The following PCDHGA4 variants were observed in gnomAD, a reference collection of about 807,000 sequenced individuals.
The protein encoded by PCDHGA4 is protocadherin gamma-A4.
PCDHGA4 carries 38 observed loss-of-function variants against 54.6 expected under a neutral mutation model. The ratio of observed to expected loss-of-function variants is 0.70; its 90% confidence interval spans 0.54 to 0.91. PCDHGA4 has a LOEUF of 0.91. Among genes scored for constraint, PCDHGA4 ranks in the 40% least tolerant of loss-of-function variants. The pLI is 0.00. For synonymous variants in PCDHGA4, 511 were observed against 512.9 expected, an observed-to-expected ratio of 1.00 and a Z score of 0.05; for missense variants, 1,298 against 1,220.9, an observed-to-expected ratio of 1.06 and a Z score of -0.94.
intron 1 of PCDHGA4, chr5:141,389,159 G>C: frequency 6.2e-7 from 1 of 1,613,988 alleles, no homozygotes; most frequent in Non-Finnish European, 8.5e-7. Context: ...CAACAGATCG[G>C]GGCAAGCCTC....
At chr5:141,421,318 C>A (rs370020854) in intron 1 of PCDHGA4, 1 of 1,613,822 alleles carries the variant, frequency 6.2e-7, no homozygotes. Context: ...CCGGGCCAGG[C>A]AGATCCGATA....
chr5:141,426,887 G>A (rs1309180455), intron 1 of PCDHGA4: 1 of 456,646 alleles, frequency 2.2e-6, no homozygotes, highest in Non-Finnish European at 4.4e-6. Context: ...TGGGCCAGGA[G>A]CAACAGAGCT....
intron 1 of PCDHGA4, chr5:141,405,289 C>G (rs1206637203): frequency 1.7e-5 from 28 of 1,614,070 alleles, no homozygotes; most frequent in Non-Finnish European, 2.4e-5. Context: ...CAGACACACT[C>G]ATCAGCCAGC....
chr5:141,372,044 G>T (rs758767680), intron 1 of PCDHGA4: 2 of 1,613,384 alleles, frequency 1.2e-6, no homozygotes, highest in Non-Finnish European at 1.7e-6. Context: ...GCCTGCGCGT[G>T]TTGGTGGACG....
At chr5:141,364,645 C>A (rs1036042236) in intron 1 of PCDHGA4, 1 of 1,614,078 alleles carries the variant, frequency 6.2e-7, no homozygotes, top group Non-Finnish European at 8.5e-7. Flanking sequence ...GTGTGGTGAA[C>A]TTTAACATCT....
chr5:141,471,080 C>T (rs2099249652), intron 1 of PCDHGA4, among the ~76,000 whole-genome samples: 1 of 147,610 alleles, frequency 6.8e-6, no homozygotes, highest in African/African-American at 2.5e-5. Context: ...ACAGGGTCTC[C>T]CTCTGTTGTC....
At chr5:141,390,045 T>G in intron 1 of PCDHGA4, 1 of 1,614,076 alleles carries the variant, frequency 6.2e-7, no homozygotes, top group Non-Finnish European at 8.5e-7. Context: ...CAGCCCCGCC[T>G]CCTGGAGCTG....
At chr5:141,392,879 G>A in intron 1 of PCDHGA4, 2 of 1,613,512 alleles carry the variant, frequency 1.2e-6, no homozygotes, top group South Asian at 1.1e-5. Flanking sequence ...TGCTGGGAAC[G>A]CTGTGGGAAA....
intron 1 of PCDHGA4, chr5:141,409,000 C>T (rs779251035): frequency 6.2e-7 from 1 of 1,613,950 alleles, no homozygotes; most frequent in South Asian, 1.1e-5. Context: ...AAGTGACAGC[C>T]ACTGACCAGG....
rs114776679 is a variant in PCDHGA4, at chr5:141,400,351, G to A, written c.2514+42730G>A. The A allele has an allele frequency of 1.1e-3, 1,779 of 1,614,070 alleles. 15 individuals are homozygous for A. The African/African-American group carries it at 0.021, about 19-fold the overall frequency. On this transcript the variant is annotated intron_variant, in intron 1 of 3. Coordinates refer to ENST00000571252, the MANE Select transcript of PCDHGA4 (RefSeq NM_018917.4). ...TGTGGTTCCCCCCAACTACAGTCAG[G>A]GGACTTTGCCTTATTCCTACAACCT...
intron 1 of PCDHGA4, among the ~76,000 whole-genome samples, chr5:141,437,339 T>A (rs1008090968): frequency 3.3e-5 from 5 of 152,262 alleles, no homozygotes; most frequent in Non-Finnish European, 7.3e-5. Context: ...GTAGCTTCAC[T>A]GTTTTATAGT....
Position 141,487,390 on chromosome 5 carries a change from G to A in PCDHGA4, c.2515-7417G>A, listed in dbSNP as rs769886634. On this transcript the variant is annotated intron_variant, in intron 1 of 3. Coordinates refer to ENST00000571252, the MANE Select transcript of PCDHGA4 (RefSeq NM_018917.4). The surrounding 1 kb of genome is among the most constrained non-coding windows in gnomAD (Gnocchi z 5.0). The stretch of plus-strand genomic sequence containing the variant: ...GTGCCTGTCTCACCAGATCTCGAAG[G>A]AGGGAGGGGCTTCCCCCTTCCAATG... 1.2e-6 allele frequency: 2 copies of A among 1,614,182 alleles called. No homozygotes were observed. The highest frequency in any genetic ancestry group is 1.3e-5 in the African/African-American group (1 of 75,070).
chr5:141,475,254 C>T (rs776471860), intron 1 of PCDHGA4, among the ~76,000 whole-genome samples: 9 of 152,208 alleles, frequency 5.9e-5, no homozygotes, highest in Admixed American at 1.3e-4. Flanking sequence ...TGCTCTACAA[C>T]TGAGATCATG....
chr5:141,376,590 G>T, intron 1 of PCDHGA4: 3 of 1,570,160 alleles, frequency 1.9e-6, no homozygotes, highest in Non-Finnish European at 1.7e-6. Flanking sequence ...CAGCTAGATC[G>T]GCTGTTATAG....
Position 141,491,265 on chromosome 5 carries a change from CA to C in PCDHGA4, c.2515-3539del. ...AGGATGAGGACCCTGAGGAAATGCC[CA>C]AATCCAGTGACTTCCTCATACACCC... On this transcript the variant is annotated intron_variant, in intron 1 of 3. Coordinates refer to ENST00000571252, the MANE Select transcript of PCDHGA4 (RefSeq NM_018917.4). This position sits in a 1 kb window ranked among gnomAD's most constrained non-coding sequence, Gnocchi z 6.9. 1 of 1,614,074 alleles carries C rather than the reference CA, an allele frequency of 6.2e-7. No individual in the cohort carries two copies.
chr5:141,361,994 G>T, intron 1 of PCDHGA4: 6 of 1,602,934 alleles, frequency 3.7e-6, no homozygotes, highest in Non-Finnish European at 5.1e-6. Flanking sequence ...TTCAGCCTGG[G>T]GTTGCGCACG....
At position 141,486,238 on chromosome 5, in the gene PCDHGA4, G is replaced by C. The variant is rs1414434705; in HGVS notation, c.2515-8569G>C. 6.2e-7 allele frequency: 1 copy of C among 1,614,058 alleles called. No homozygotes were observed. The highest frequency in any genetic ancestry group is 8.5e-7 in the Non-Finnish European group (1 of 1,180,024). On this transcript the variant is annotated intron_variant, in intron 1 of 3. Coordinates refer to ENST00000571252, the MANE Select transcript of PCDHGA4 (RefSeq NM_018917.4). This position sits in a 1 kb window ranked among gnomAD's most constrained non-coding sequence, Gnocchi z 5.0. ...CCCCTTACATCACAGTGACCTCAGA[G>C]CTTGGAACCCTCCCCGAGAGTGCAG... is the stretch of plus-strand genomic sequence containing the variant.
Position 141,390,351 on chromosome 5 carries a change from C to T in PCDHGA4, c.2514+32730C>T, listed in dbSNP as rs1561631456. 5 of 1,558,898 alleles carry T rather than the reference C, an allele frequency of 3.2e-6. No homozygotes were observed. The Admixed American group carries it at 9.1e-5, about 28-fold the overall frequency. On this transcript the variant is annotated intron_variant, in intron 1 of 3. Transcript: ENST00000571252. ...TTCTCCATATTCACAAGAAAATATA[C>T]ATATTTGCAGGAAAATATATAATTT...
chr5:141,485,259 G>C lies in PCDHGA4; in HGVS notation c.2515-9548G>C. ...TTTTACCACCTGGGTTACGTTTGTGGGCAGATCCGCTACCCGGTCCCAGAG... is the reference window on the plus strand; with the variant it reads ...TTTTACCACCTGGGTTACGTTTGTGCGCAGATCCGCTACCCGGTCCCAGAG... On this transcript the variant is annotated intron_variant, in intron 1 of 3. Coordinates refer to ENST00000571252, the MANE Select transcript of PCDHGA4 (RefSeq NM_018917.4). The surrounding 1 kb of genome is among the most constrained non-coding windows in gnomAD (Gnocchi z 5.7). 1.2e-6 allele frequency: 2 copies of C among 1,614,136 alleles called. No homozygotes were observed. The highest frequency in any genetic ancestry group is 1.7e-6 in the Non-Finnish European group (2 of 1,180,002).
Sources: allele counts gnomAD v4.1 joint callset (sites outside exome capture counted in the v4.1 genomes callset), GRCh38; gene constraint gnomAD v4.1.1; non-coding constraint Gnocchi (gnomAD v3.1); transcripts MANE v1.5; gene names NCBI Gene and HGNC (gene_info 2026-07-23, HGNC 2026-07-21).